Variants in LUZP2 observed in about 807,000 individuals in gnomAD.
The protein encoded by LUZP2 is leucine zipper protein 2.
LUZP2 carries 52 observed loss-of-function variants against 51.6 expected under a neutral mutation model. The observed-to-expected ratio is 1.01, with a 90% CI of 0.81 to 1.27. LUZP2 has a LOEUF of 1.27. Among genes scored for constraint, LUZP2 ranks in the 50% most tolerant of loss-of-function variants. The pLI is 0.00. For missense variants in LUZP2, 436 were observed against 395.4 expected (o/e 1.10, Z -0.87); for synonymous variants, 154 against 137.3 (o/e 1.12, Z -0.85).
At chr11:24,517,624 G>C (rs1012890275) in intron 1 of LUZP2, among the ~76,000 whole-genome samples, 1 of 150,988 alleles carries the variant, frequency 6.6e-6, no homozygotes, top group African/African-American at 2.4e-5. Context: ...CTTCAATGAG[G>C]GCATCAGTCA....
At chr11:24,993,436 A>G (rs10834567) in intron 9 of LUZP2, among the ~76,000 whole-genome samples, 60,224 of 151,996 alleles carry the variant, frequency 0.4, 14,395 homozygotes, top group East Asian at 0.78. Context: ...AAATATATTA[A>G]GGAAATCATA....
chr11:24,556,610 G>A (rs1052855705), intron 1 of LUZP2, among the ~76,000 whole-genome samples: 1 of 152,120 alleles, frequency 6.6e-6, no homozygotes, highest in Non-Finnish European at 1.5e-5. Flanking sequence ...CAGAAAGGTA[G>A]AAGAGTATAT....
At position 24,919,752 on chromosome 11, in the gene LUZP2, TCTAA is replaced by T. The variant is rs974170652; in HGVS notation, c.522+5218_522+5221del. Among the ~76,000 whole-genome samples, 11 of 150,454 alleles carry T rather than the reference TCTAA, an allele frequency of 7.3e-5. 1 individual carries two copies. The highest frequency in any genetic ancestry group is 2.0e-4 in the Admixed American group (3 of 15,012). Reference sequence around the variant, plus strand: ...AGTTATAGTTTTTATGAAACATTTATCTAACTATCAAGTAGTTCATGAAAATTAT... The same window carrying T: ...AGTTATAGTTTTTATGAAACATTTATCTATCAAGTAGTTCATGAAAATTAT... On this transcript the variant is annotated intron_variant, in intron 7 of 11. Coordinates refer to ENST00000336930, the MANE Select transcript of LUZP2 (RefSeq NM_001009909.4).
chr11:24,567,012 ATAT>A (rs1396890145), intron 1 of LUZP2, among the ~76,000 whole-genome samples: 6 of 106,734 alleles, frequency 5.6e-5, no homozygotes, highest in Non-Finnish European at 9.4e-5. Flanking sequence ...ATATATATAT[ATAT>A]TTTTTTTAGT....
intron 7 of LUZP2, among the ~76,000 whole-genome samples, chr11:24,937,690 A>T (rs532686052): frequency 6.6e-6 from 1 of 152,042 alleles, no homozygotes; most frequent in African/African-American, 2.4e-5. Flanking sequence ...TCATGAGGTC[A>T]GGAGATCAAG....
chr11:24,820,203 G>A (rs1850316773), intron 5 of LUZP2, among the ~76,000 whole-genome samples: 1 of 152,156 alleles, frequency 6.6e-6, no homozygotes, highest in Non-Finnish European at 1.5e-5. Flanking sequence ...GTGGACTTTA[G>A]ATAACATTTC....
chr11:24,598,894 T>C (rs1366949124), intron 1 of LUZP2, among the ~76,000 whole-genome samples: 1 of 152,156 alleles, frequency 6.6e-6, no homozygotes, highest in Non-Finnish European at 1.5e-5. Flanking sequence ...CAGGGACAAA[T>C]GAGAGGTTGG....
intron 6 of LUZP2, among the ~76,000 whole-genome samples, chr11:24,908,752 T>C (rs1163878850): frequency 6.7e-6 from 1 of 150,196 alleles, no homozygotes; most frequent in South Asian, 2.1e-4. Context: ...GTTGTTTGTT[T>C]TTTTTCTTTT....
At chr11:24,659,268 G>A (rs1855928628) in intron 1 of LUZP2, among the ~76,000 whole-genome samples, 1 of 152,146 alleles carries the variant, frequency 6.6e-6, no homozygotes, top group Admixed American at 6.6e-5. Context: ...CATGTCCTTT[G>A]TAGGGACATG....
chr11:24,955,296 C>G (rs1354626948), intron 7 of LUZP2, among the ~76,000 whole-genome samples: 1 of 151,694 alleles, frequency 6.6e-6, no homozygotes, highest in Non-Finnish European at 1.5e-5. Context: ...TGACCTTATA[C>G]TGAGTGTTAA....
In LUZP2 at chr11:24,982,348, A is replaced by G. The variant is rs576486327; in HGVS notation, c.598-778A>G. On this transcript the variant is annotated intron_variant, in intron 8 of 11. Transcript: ENST00000336930. ...GCACTATTCACAATAACAAAGACAT[A>G]GAATCAACCTAAATGCCCTTCAATG... 2.0e-5 allele frequency among the ~76,000 whole-genome samples: 3 copies of G among 151,988 alleles called. No individual in the cohort carries two copies. The East Asian group carries it at 5.8e-4, about 29-fold the overall frequency.
intron 5 of LUZP2, among the ~76,000 whole-genome samples, chr11:24,869,025 GT>G (rs1289219593): frequency 1.3e-5 from 2 of 151,968 alleles, no homozygotes; most frequent in African/African-American, 2.4e-5. Flanking sequence ...TTTGCCAGGA[GT>G]TTTTGGAACT....
chr11:24,798,437 T>C lies in LUZP2; in HGVS notation c.396+35129T>C, dbSNP rs545006906. Among the ~76,000 whole-genome samples the C allele has an allele frequency of 2.0e-5, 3 of 152,276 alleles. No individual in the cohort carries two copies. In the East Asian group the frequency reaches 5.8e-4, roughly 30 times the overall value. ...GTCTCTAATTCCTGGCCTCAGGCCA[T>C]CCTTCCACCTCAGCCTCCCAAGTCT... On this transcript the variant is annotated intron_variant, in intron 5 of 11. Coordinates refer to ENST00000336930, the MANE Select transcript of LUZP2 (RefSeq NM_001009909.4).
At chr11:25,043,138 C>G (rs181215533) in intron 9 of LUZP2, among the ~76,000 whole-genome samples, 46 of 152,190 alleles carry the variant, frequency 3.0e-4, no homozygotes, top group African/African-American at 9.4e-4. Context: ...TTCTAGCTTT[C>G]AGAACTGGGA....
rs1023562123 is a variant in LUZP2, at chr11:24,874,573, C to T, written c.397-31418C>T. Among the ~76,000 whole-genome samples, 25 of 152,254 alleles carry T rather than the reference C, an allele frequency of 1.6e-4. No individual in the cohort carries two copies. In the East Asian group the frequency reaches 4.6e-3, roughly 28 times the overall value. The stretch of plus-strand genomic sequence containing the variant: ...GGCCTGTACTTGACTGCAGCACAGC[C>T]ATATCCCTAATAGCCCCAGTGTAAG... On this transcript the variant is annotated intron_variant, in intron 5 of 11. Transcript: ENST00000336930.
At chr11:24,698,966 G>A (rs1001105242) in intron 1 of LUZP2, among the ~76,000 whole-genome samples, 10 of 152,072 alleles carry the variant, frequency 6.6e-5, no homozygotes, top group African/African-American at 2.4e-4. Context: ...GCTGAGATGA[G>A]AGGATCGATT....
chr11:24,557,989 A>G (rs2133764127), intron 1 of LUZP2, among the ~76,000 whole-genome samples: 1 of 152,224 alleles, frequency 6.6e-6, no homozygotes, highest in Middle Eastern at 3.4e-3. Context: ...TTGGTGTGTG[A>G]GTTGGTAAAC....
intron 9 of LUZP2, among the ~76,000 whole-genome samples, chr11:24,993,394 A>T (rs1856408021): frequency 6.6e-6 from 1 of 152,162 alleles, no homozygotes. Context: ...TGGGTTATTT[A>T]CATCTTTCCT....
intron 1 of LUZP2, among the ~76,000 whole-genome samples, chr11:24,532,422 C>T (rs1851035001): frequency 6.6e-6 from 1 of 150,868 alleles, no homozygotes; most frequent in African/African-American, 2.4e-5. Flanking sequence ...CACCACAGCT[C>T]TTAGGTTTTC....
Sources: allele counts gnomAD v4.1 joint callset (sites outside exome capture counted in the v4.1 genomes callset), GRCh38; gene constraint gnomAD v4.1.1; transcripts MANE v1.5; gene names NCBI Gene and HGNC (gene_info 2026-07-23, HGNC 2026-07-21).